Variants in PKNOX2 observed in about 807,000 individuals in gnomAD.
The protein encoded by PKNOX2 is PBX/knotted 1 homeobox 2, also known as homeobox protein PKNOX2.
Under a neutral mutation model 53.1 loss-of-function variants are expected in PKNOX2, and 14 were observed. The observed-to-expected ratio is 0.26, with a 90% confidence interval of 0.17 to 0.41. PKNOX2 has a LOEUF of 0.41. PKNOX2 is among the 10% of genes least tolerant of loss of function. PKNOX2 has a pLI of 1.00. For synonymous variants in PKNOX2, 257 were observed against 242.8 expected, an observed-to-expected ratio of 1.06 and a Z score of -0.54; for missense variants, 496 against 602.8, an observed-to-expected ratio of 0.82 and a Z score of 1.85.
At chr11:125,291,556 C>T (rs1373272622) in intron 2 of PKNOX2, among the ~76,000 whole-genome samples, 1 of 152,166 alleles carries the variant, frequency 6.6e-6, no homozygotes, top group Admixed American at 6.5e-5. Context: ...CAATTTCACT[C>T]CTACATATAA....
At chr11:125,415,703 A>G (rs1955834601) in intron 10 of PKNOX2, among the ~76,000 whole-genome samples, 1 of 152,188 alleles carries the variant, frequency 6.6e-6, no homozygotes, top group Admixed American at 6.5e-5. Context: ...TGTCAGGCCA[A>G]TAAGAGCTGC....
At chr11:125,399,450 C>T (rs1338999387) in intron 7 of PKNOX2, among the ~76,000 whole-genome samples, 1 of 152,220 alleles carries the variant, frequency 6.6e-6, no homozygotes, top group African/African-American at 2.4e-5. Context: ...TGACGCTGCG[C>T]AGTCCCGGTG....
intron 1 of PKNOX2, among the ~76,000 whole-genome samples, chr11:125,194,334 G>A (rs895445163): frequency 1.3e-5 from 2 of 152,156 alleles, no homozygotes; most frequent in African/African-American, 4.8e-5. Flanking sequence ...TCCTCTCCTG[G>A]TCTTTGCTGA....
At chr11:125,170,342 TTTTCCTCCTCA>T (rs1461683452) in intron 1 of PKNOX2, among the ~76,000 whole-genome samples, 4 of 152,144 alleles carry the variant, frequency 2.6e-5, no homozygotes, top group Non-Finnish European at 5.9e-5. Flanking sequence ...TTGGGGTAAT[TTTTCCTCCTCA>T]TTTCCTTCTC....
intron 12 of PKNOX2, among the ~76,000 whole-genome samples, chr11:125,430,755 T>TG (rs1487017907): frequency 1.1e-4 from 4 of 36,864 alleles, no homozygotes; most frequent in Admixed American, 2.7e-4. Flanking sequence ...TGGGTTATGA[T>TG]GGGAAAAAAA....
intron 10 of PKNOX2, among the ~76,000 whole-genome samples, chr11:125,413,556 A>T (rs1955691566): frequency 6.6e-6 from 1 of 152,166 alleles, no homozygotes; most frequent in Non-Finnish European, 1.5e-5. Context: ...GGCTGCGCTC[A>T]TTGTGGTGGG....
At position 125,431,297 on chromosome 11, in the gene PKNOX2, G is replaced by A. The variant is rs1162651900; in HGVS notation, c.1324G>A (p.Glu442Lys). 1.5e-6 allele frequency: 2 copies of A among 1,290,572 alleles called. No homozygotes were observed. Among genetic ancestry groups the A allele is most frequent in the Non-Finnish European group, 2.2e-6 (2 of 929,684 alleles). 79.9% of individuals were successfully genotyped at this position (1,290,572 alleles called of 1,614,324 possible). ...TEEEDEDEME[E>K]EEEEELEEEV... ...AGAAGAGGATGAGGATGAGATGGAA[G>A]AGGAGGAGGAGGAGGAGCTGGAGGA... is the stretch of plus-strand genomic sequence containing the variant. The change falls in exon 13 of 13, where the codon GAG (glutamate) becomes AAG (lysine). Residue 442 changes from glutamate to lysine, a missense_variant. Around this residue, in one of 5 missense-constraint regions of PKNOX2, gnomAD observed 139 missense variants for 161.3 expected, o/e 0.86. Coordinates refer to ENST00000298282, the MANE Select transcript of PKNOX2 (RefSeq NM_001382323.2).
intron 4 of PKNOX2, among the ~76,000 whole-genome samples, chr11:125,367,593 T>A (rs1416740936): frequency 2.0e-5 from 3 of 152,252 alleles, no homozygotes; most frequent in Non-Finnish European, 4.4e-5. Flanking sequence ...TCATCTCTTT[T>A]CAGAGTGTGC....
chr11:125,331,100 T>C (rs1187893124), intron 2 of PKNOX2, among the ~76,000 whole-genome samples: 2 of 151,910 alleles, frequency 1.3e-5, no homozygotes, highest in Non-Finnish European at 2.9e-5. Flanking sequence ...ATGGGACTGT[T>C]TGAGGAGTGT....
intron 2 of PKNOX2, among the ~76,000 whole-genome samples, chr11:125,300,665 G>A (rs1314085136): frequency 1.3e-5 from 2 of 152,152 alleles, no homozygotes; most frequent in Non-Finnish European, 2.9e-5. Flanking sequence ...GAGAGACAGA[G>A]AGAGAGTCGG....
chr11:125,348,288 C>T (rs1465871320), intron 3 of PKNOX2, among the ~76,000 whole-genome samples: 2 of 152,158 alleles, frequency 1.3e-5, no homozygotes, highest in African/African-American at 2.4e-5. Context: ...CTTCCGGACA[C>T]GGGTGCAGGG....
chr11:125,177,852 G>A (rs754806670), intron 1 of PKNOX2, among the ~76,000 whole-genome samples: 5 of 152,198 alleles, frequency 3.3e-5, no homozygotes, highest in Non-Finnish European at 5.9e-5. Context: ...GCAGAAGCAG[G>A]GGAAGCAGTG....
intron 1 of PKNOX2, among the ~76,000 whole-genome samples, chr11:125,230,083 G>A (rs1214060571): frequency 6.6e-6 from 1 of 152,236 alleles, no homozygotes; most frequent in African/African-American, 2.4e-5. Context: ...GGCCTGAGGG[G>A]TGTCACAGAG....
At chr11:125,194,895 G>A (rs1035068063) in intron 1 of PKNOX2, among the ~76,000 whole-genome samples, 11 of 152,128 alleles carry the variant, frequency 7.2e-5, no homozygotes, top group African/African-American at 2.7e-4. Flanking sequence ...TAACTAACCT[G>A]TATGCAGCAC....
At chr11:125,246,445 G>T (rs577104470) in intron 2 of PKNOX2, among the ~76,000 whole-genome samples, 1 of 152,318 alleles carries the variant, frequency 6.6e-6, no homozygotes, top group South Asian at 2.1e-4. Context: ...TTTTGGAAGA[G>T]ACAAATGTTC....
chr11:125,397,555 C>G (rs540637305), intron 6 of PKNOX2, among the ~76,000 whole-genome samples: 5 of 152,332 alleles, frequency 3.3e-5, no homozygotes, highest in South Asian at 2.1e-4. Context: ...AAATGACAGG[C>G]CGGGGGCTTG....
chr11:125,296,494 A>G (rs1020634212), intron 2 of PKNOX2, among the ~76,000 whole-genome samples: 2 of 152,128 alleles, frequency 1.3e-5, no homozygotes, highest in African/African-American at 4.8e-5. Context: ...CTCATCATCA[A>G]GGTCACCTGA....
intron 2 of PKNOX2, among the ~76,000 whole-genome samples, chr11:125,300,054 C>T (rs1310228478): frequency 2.0e-5 from 3 of 152,246 alleles, no homozygotes; most frequent in African/African-American, 7.2e-5. Context: ...GGTGGAGTCA[C>T]CGGCCTGTCA....
intron 10 of PKNOX2, among the ~76,000 whole-genome samples, chr11:125,420,997 T>C (rs2135628101): frequency 6.6e-6 from 1 of 152,272 alleles, no homozygotes; most frequent in African/African-American, 2.4e-5. Context: ...AAGTGGCTTT[T>C]AGGACTGGCC....
Sources: allele counts gnomAD v4.1 joint callset (sites outside exome capture counted in the v4.1 genomes callset), GRCh38; gene constraint gnomAD v4.1.1; regional missense constraint gnomAD v4.1.1; transcripts MANE v1.5; gene names NCBI Gene and HGNC (gene_info 2026-07-23, HGNC 2026-07-21).